Variants in XKR4 observed in about 807,000 individuals in gnomAD.
The protein encoded by XKR4 is XK-related protein 4.
XKR4 carries 12 observed loss-of-function variants against 53.9 expected under a neutral mutation model. The observed-to-expected ratio is 0.22, with a 90% CI of 0.14 to 0.36. The LOEUF is 0.36. XKR4 is among the 10% of genes least tolerant of loss of function. The pLI is 1.00. For missense variants in XKR4, 799 were observed against 859.5 expected (o/e 0.93, Z 0.88); for synonymous variants, 354 against 362.4 (o/e 0.98, Z 0.26).
intron 2 of XKR4, among the ~76,000 whole-genome samples, chr8:55,367,892 C>A (rs911818850): frequency 3.9e-5 from 6 of 152,172 alleles, no homozygotes; most frequent in African/African-American, 1.4e-4. Context: ...CTGGTACCCC[C>A]CTTCACCTTT....
intron 2 of XKR4, among the ~76,000 whole-genome samples, chr8:55,436,521 T>A (rs911745799): frequency 2.6e-5 from 4 of 152,232 alleles, no homozygotes; most frequent in Non-Finnish European, 4.4e-5. Flanking sequence ...ACCTCAGAAG[T>A]CTTTTTCCAT....
chr8:55,288,451 C>T (rs1283407562), intron 1 of XKR4, among the ~76,000 whole-genome samples: 1 of 152,164 alleles, frequency 6.6e-6, no homozygotes, highest in Non-Finnish European at 1.5e-5. Context: ...ACAATGGCTC[C>T]TGAAAGTACT....
At chr8:55,334,551 A>T (rs1803430732) in intron 1 of XKR4, among the ~76,000 whole-genome samples, 1 of 152,164 alleles carries the variant, frequency 6.6e-6, no homozygotes. Context: ...TCTGATGTAT[A>T]CTCAAGGTTG....
At chr8:55,523,202 G>GC (rs1806825281) in intron 2 of XKR4, 79 bp from the exon 3 acceptor site, 1 of 1,227,544 alleles carries the variant, frequency 8.1e-7, no homozygotes, top group African/African-American at 1.5e-5. Context: ...CCTTCCCCAA[G>GC]CCCCCAGCTC....
In XKR4 at chr8:55,102,962, G is replaced by T; in HGVS notation, c.474G>T (p.Ser158=). 6 of 1,611,466 alleles carry T rather than the reference G, an allele frequency of 3.7e-6. No individual in the cohort carries two copies. The highest frequency in any genetic ancestry group is 3.3e-5 in the South Asian group (3 of 91,052). Residue 158 remains serine (S), a synonymous_variant, in exon 1 of 3, where the codon TCG becomes TCT. Coordinates refer to ENST00000327381, the MANE Select transcript of XKR4 (RefSeq NM_052898.2). This position sits in a 1 kb window ranked among gnomAD's most constrained non-coding sequence, Gnocchi z 5.1. ...TLFFVVLGSL[S]VQVFSFRWFV... ...TCTTCGTGGTGCTCGGCTCTCTGTC[G>T]GTGCAAGTGTTCAGCTTCCGCTGGT...
chr8:55,150,415 T>G (rs1816825374), intron 1 of XKR4, among the ~76,000 whole-genome samples: 1 of 152,190 alleles, frequency 6.6e-6, no homozygotes, highest in Non-Finnish European at 1.5e-5. Context: ...AGGGTTAGAT[T>G]TAACTATTCC....
chr8:55,329,097 T>C (rs1803344327), intron 1 of XKR4, among the ~76,000 whole-genome samples: 1 of 152,148 alleles, frequency 6.6e-6, no homozygotes, highest in Non-Finnish European at 1.5e-5. Flanking sequence ...CCTGATTTAA[T>C]AGTGTTGTGT....
At chr8:55,481,814 A>C (rs1006867764) in intron 2 of XKR4, among the ~76,000 whole-genome samples, 6 of 152,200 alleles carry the variant, frequency 3.9e-5, no homozygotes, top group Non-Finnish European at 8.8e-5. Context: ...ATCACTGGCC[A>C]TCAGAGAAAT....
intron 2 of XKR4, among the ~76,000 whole-genome samples, chr8:55,468,438 A>G (rs1017902257): frequency 6.6e-6 from 1 of 152,062 alleles, no homozygotes; most frequent in Non-Finnish European, 1.5e-5. Context: ...TCTGAGCACT[A>G]TTTCCATGTT....
intron 2 of XKR4, among the ~76,000 whole-genome samples, chr8:55,406,054 T>C (rs1316153953): frequency 6.6e-6 from 1 of 152,218 alleles, no homozygotes; most frequent in African/African-American, 2.4e-5. Context: ...CCCTGATCAA[T>C]GATGAGATGT....
At chr8:55,329,333 C>A (rs1803348408) in intron 1 of XKR4, among the ~76,000 whole-genome samples, 1 of 152,114 alleles carries the variant, frequency 6.6e-6, no homozygotes, top group Admixed American at 6.6e-5. Context: ...TGCATTGCTG[C>A]CCAACACAAA....
At chr8:55,263,992 T>A (rs1023908868) in intron 1 of XKR4, among the ~76,000 whole-genome samples, 1 of 152,208 alleles carries the variant, frequency 6.6e-6, no homozygotes, top group Admixed American at 6.5e-5. Flanking sequence ...GCACATTTCT[T>A]CACCATCCAG....
chr8:55,342,600 C>T (rs1284146131), intron 1 of XKR4, among the ~76,000 whole-genome samples: 1 of 152,160 alleles, frequency 6.6e-6, no homozygotes, highest in Non-Finnish European at 1.5e-5. Flanking sequence ...CTCCCTGATG[C>T]TCCTGGAATG....
chr8:55,337,772 T>A (rs1563327343), intron 1 of XKR4, among the ~76,000 whole-genome samples: 1 of 152,236 alleles, frequency 6.6e-6, no homozygotes, highest in Non-Finnish European at 1.5e-5. Flanking sequence ...AAAGGCTTTT[T>A]AAAGGAATAC....
intron 1 of XKR4, among the ~76,000 whole-genome samples, chr8:55,221,300 AT>A: frequency 6.6e-6 from 1 of 152,230 alleles, no homozygotes; most frequent in Admixed American, 6.5e-5. Context: ...TGTCAACCTA[AT>A]CTCTAAAGAG....
At chr8:55,227,688 C>T (rs1817974440) in intron 1 of XKR4, among the ~76,000 whole-genome samples, 1 of 152,210 alleles carries the variant, frequency 6.6e-6, no homozygotes, top group African/African-American at 2.4e-5. Context: ...TCTGCAGAGA[C>T]AGCCTGAGAC....
intron 1 of XKR4, among the ~76,000 whole-genome samples, chr8:55,132,161 AGTGTGCTTCACATTAAC>A (rs1177210664): frequency 2.6e-5 from 4 of 152,244 alleles, no homozygotes; most frequent in Non-Finnish European, 5.9e-5. Context: ...TGCACCAGGC[AGTGTGCTTCACATTAAC>A]GATCTCCTTT....
chr8:55,521,779 A>G (rs1041663999), intron 2 of XKR4, among the ~76,000 whole-genome samples: 1 of 152,248 alleles, frequency 6.6e-6, no homozygotes, highest in Non-Finnish European at 1.5e-5. Context: ...TTTCCACAAG[A>G]GTACTTTCTT....
chr8:55,126,424 T>C (rs1357971293), intron 1 of XKR4, among the ~76,000 whole-genome samples: 1 of 152,256 alleles, frequency 6.6e-6, no homozygotes, highest in African/African-American at 2.4e-5. Context: ...CTCCTGGCCA[T>C]GGGGCATCGA....
Sources: allele counts gnomAD v4.1 joint callset (sites outside exome capture counted in the v4.1 genomes callset), GRCh38; gene constraint gnomAD v4.1.1; non-coding constraint Gnocchi (gnomAD v3.1); transcripts MANE v1.5; gene names NCBI Gene and HGNC (gene_info 2026-07-23, HGNC 2026-07-21).